The following NOC3L variants were observed in gnomAD, a reference collection of about 807,000 sequenced individuals.
NOC3L encodes nucleolar complex protein 3 homolog.
In NOC3L, 85 loss-of-function variants were observed where a neutral mutation model predicts 102.5. The observed-to-expected ratio is 0.83, with a 90% CI of 0.70 to 0.99. The LOEUF is 0.99. NOC3L is among the 50% of genes least tolerant of loss of function. The pLI, the probability that NOC3L is intolerant of heterozygous loss-of-function variation, is 0.00. For missense variants in NOC3L, 878 were observed against 914.9 expected (o/e 0.96, Z 0.52); for synonymous variants, 303 against 309.4 (o/e 0.98, Z 0.22).
At chr10:94,317,392 T>A in the NOC3L span, among the ~76,000 whole-genome samples, 3 of 152,350 alleles carry the variant, frequency 2.0e-5, no homozygotes, top group Middle Eastern at 3.4e-3. Flanking sequence ...AGTATTTTAT[T>A]TGTATGTGTG....
At chr10:94,323,839 C>A in the NOC3L span, among the ~76,000 whole-genome samples, 1 of 152,166 alleles carries the variant, frequency 6.6e-6, no homozygotes, top group Admixed American at 6.5e-5. Flanking sequence ...AATGAATTAA[C>A]AAATGCATCA....
At chr10:94,316,872 C>T in the NOC3L span, 1 of 750,236 alleles carries the variant, frequency 1.3e-6, no homozygotes, top group South Asian at 1.5e-5. Context: ...GGTTTATATT[C>T]TTCTTAAGTA....
rs747922964 is a variant in NOC3L, at chr10:94,357,188, G to A, written c.494C>T (p.Thr165Ile). The change falls in exon 4 of 21, where the codon ACT (threonine) becomes ATT (isoleucine). Residue 165 changes from threonine (T) to isoleucine (I), a missense_variant. Coordinates refer to ENST00000371361, the MANE Select transcript of NOC3L (RefSeq NM_022451.11). ...IKDKSGIIPQ[T>I]REKPVTDSNK... Reference sequence around the variant, plus strand: ...ATTAGACTCACCTGGCTTCTCCCTAGTCTGTGGGATTATACCACTTTTATC... The same window carrying A: ...ATTAGACTCACCTGGCTTCTCCCTAATCTGTGGGATTATACCACTTTTATC... 1.3e-6 allele frequency: 2 copies of A among 1,587,022 alleles called. No homozygotes were observed. Among genetic ancestry groups the A allele is most frequent in the South Asian group, 2.3e-5 (2 of 85,606 alleles).
chr10:94,326,710 T>C, the NOC3L span, among the ~76,000 whole-genome samples: 1 of 152,214 alleles, frequency 6.6e-6, no homozygotes, highest in Admixed American at 6.5e-5. Flanking sequence ...GGGAGGGTGA[T>C]TGATAGTGAT....
chr10:94,317,601 G>C, the NOC3L span, among the ~76,000 whole-genome samples: 3 of 152,142 alleles, frequency 2.0e-5, no homozygotes, highest in African/African-American at 4.8e-5. Context: ...ATCTTGGCCT[G>C]AGTCAGAATT....
At position 94,359,027 on chromosome 10, in the gene NOC3L, A is replaced by G. The variant is rs150751139; in HGVS notation, c.218-812T>C. ...TTTTATTTAAAAAAAAAAAAAGTCA[A>G]CTAAGTGCCAGGCACTATTTGAAGT... On this transcript the variant is annotated intron_variant, in intron 2 of 20. Coordinates refer to ENST00000371361, the MANE Select transcript of NOC3L (RefSeq NM_022451.11). Among the ~76,000 whole-genome samples the G allele has an allele frequency of 1.6e-3, 250 of 152,214 alleles. 1 individual carries two copies. Among genetic ancestry groups the G allele is most frequent in the African/African-American group, 4.5e-3 (186 of 41,528 alleles).
In NOC3L at chr10:94,344,413, A is replaced by T; in HGVS notation, c.1571+2T>A. The stretch of plus-strand genomic sequence containing the variant: ...AAAGATTTCAACCTACACAGCCCTT[A>T]CTTGGCAAGACCTTCTAGAACTGCT... On this transcript the variant is annotated splice_donor_variant, in intron 13 of 20. Transcript: ENST00000371361. LOFTEE classifies it high-confidence loss of function. 6.2e-7 allele frequency: 1 copy of T among 1,604,086 alleles called. No homozygotes were observed. Among genetic ancestry groups the T allele is most frequent in the South Asian group, 1.1e-5 (1 of 90,510 alleles).
the NOC3L span, among the ~76,000 whole-genome samples, chr10:94,316,030 G>T: frequency 2.0e-5 from 3 of 152,104 alleles, no homozygotes; most frequent in African/African-American, 7.2e-5. Flanking sequence ...TGACTGCACA[G>T]GGTCAGCAGC....
chr10:94,361,733 C>G lies in NOC3L; in HGVS notation c.149G>C (p.Arg50Thr). The change falls in exon 2 of 21, where the codon AGG becomes ACG. Residue 50 changes from arginine (R) to threonine (T), a missense_variant. Physicochemically the swap from Arg to Thr is moderately conservative, Grantham distance 71. Coordinates refer to ENST00000371361, the MANE Select transcript of NOC3L (RefSeq NM_022451.11). ...KKYRKEQRKLRQAVKDAVSKK... is the reference protein window; with the variant it reads ...KKYRKEQRKLTQAVKDAVSKK... ...AGACACAGCATCTTTCACAGCTTGC[C>G]TTAGTTTCCTCTGTTCTTTTCGGTA... 1 of 1,614,154 alleles carries G rather than the reference C, an allele frequency of 6.2e-7. No individual in the cohort carries two copies. The highest frequency in any genetic ancestry group is 8.5e-7 in the Non-Finnish European group (1 of 1,180,026).
intron 5 of NOC3L, among the ~76,000 whole-genome samples, chr10:94,356,083 C>A (rs540381224): frequency 6.6e-6 from 1 of 152,264 alleles, no homozygotes; most frequent in East Asian, 1.9e-4. Context: ...TATTTCAGTT[C>A]AACTTTGATT....
At chr10:94,321,078 G>A in the NOC3L span, among the ~76,000 whole-genome samples, 1 of 152,130 alleles carries the variant, frequency 6.6e-6, no homozygotes, top group African/African-American at 2.4e-5. Context: ...TAATTTTACT[G>A]TGAATTTTGT....
At chr10:94,320,742 C>T in the NOC3L span, among the ~76,000 whole-genome samples, 1 of 152,194 alleles carries the variant, frequency 6.6e-6, no homozygotes, top group African/African-American at 2.4e-5. Context: ...AAGCTATCCT[C>T]ATTTGAAAAT....
the NOC3L span, chr10:94,316,541 C>G: frequency 6.3e-7 from 1 of 1,598,354 alleles, no homozygotes; most frequent in South Asian, 1.1e-5. Context: ...TTCACTTTTT[C>G]TTTAGATTCT....
At chr10:94,349,184 C>A in intron 10 of NOC3L, 66 bp downstream of exon 10, 2 of 1,516,064 alleles carry the variant, frequency 1.3e-6, no homozygotes, top group Non-Finnish European at 1.8e-6. Flanking sequence ...ATAAATTCCT[C>A]ATAACAACTG....
chr10:94,331,189 A>G (rs917645261), downstream of NOC3L: 2 of 152,196 alleles, frequency 1.3e-5, no homozygotes, highest in African/African-American at 4.8e-5. Flanking sequence ...GTTACAAGTG[A>G]CTTGTTTTTA....
chr10:94,317,698 C>T, the NOC3L span, among the ~76,000 whole-genome samples: 1 of 152,184 alleles, frequency 6.6e-6, no homozygotes, highest in Non-Finnish European at 1.5e-5. Context: ...TGACTCCAAA[C>T]TGATTGGCTC....
At chr10:94,354,026 C>T (rs1190747712) in intron 6 of NOC3L, among the ~76,000 whole-genome samples, 1 of 152,082 alleles carries the variant, frequency 6.6e-6, no homozygotes, top group Non-Finnish European at 1.5e-5. Flanking sequence ...TTTTAAGGCT[C>T]AATTTTCCAG....
chr10:94,350,401 C>A (rs942339103), intron 8 of NOC3L, 113 bp from the exon 9 acceptor site: 5 of 886,380 alleles, frequency 5.6e-6, no homozygotes, highest in African/African-American at 5.0e-5. Flanking sequence ...CACACACATT[C>A]CCACACCCCT....
chr10:94,326,243 A>ACTT, the NOC3L span, among the ~76,000 whole-genome samples: 3 of 152,330 alleles, frequency 2.0e-5, no homozygotes, highest in South Asian at 6.2e-4. Flanking sequence ...ACAATGAGGA[A>ACTT]CTTCTGATAT....
Sources: gnomAD v4.1 joint callset for allele counts (sites outside exome capture counted in the v4.1 genomes callset) on GRCh38, gnomAD v4.1.1 for gene constraint, MANE v1.5 for transcripts, NCBI Gene and HGNC (gene_info 2026-07-23, HGNC 2026-07-21) for gene names.